Variants in AGXT2 observed in about 807,000 individuals in gnomAD.
AGXT2 encodes the protein alanine--glyoxylate aminotransferase 2, mitochondrial.
In AGXT2, 61 loss-of-function variants were observed where a neutral mutation model predicts 62.5. That is an observed-to-expected ratio of 0.98 (90% CI 0.79 to 1.21). AGXT2 has a LOEUF of 1.21. AGXT2 is among the 50% of genes most tolerant of loss of function. AGXT2 has a pLI of 0.00. For synonymous variants in AGXT2, 243 were observed against 218.7 expected (o/e 1.11, Z -0.98); for missense variants, 666 against 641.5 (o/e 1.04, Z -0.41).
chr5:35,044,588 T>C (rs1360866352), intron 1 of AGXT2, among the ~76,000 whole-genome samples: 1 of 152,236 alleles, frequency 6.6e-6, no homozygotes, highest in African/African-American at 2.4e-5. Flanking sequence ...CCTTGGCTTC[T>C]TTGCGTGTGG....
At position 35,011,458 on chromosome 5, in the gene AGXT2, T is replaced by TAA. The variant is rs11358241; in HGVS notation, c.1189-1311_1189-1310dup. ...CTGGGTGACAGAGCAAGACTCTTTC[T>TAA]AAAAAAAAAAAAAAAAAAAAAATTG... On this transcript the variant is annotated intron_variant, in intron 11 of 13. Coordinates refer to ENST00000231420, the MANE Select transcript of AGXT2 (RefSeq NM_031900.4). Among the ~76,000 whole-genome samples, 295 of 119,762 alleles carry TAA rather than the reference T, an allele frequency of 2.5e-3. 1 individual carries two copies. The highest frequency in any genetic ancestry group is 8.6e-3 in the Middle Eastern group (2 of 232). The allele number at this position is 119,762 out of a possible 152,430, so 78.6% of individuals were successfully genotyped here.
chr5:35,032,777 G>T lies in AGXT2; in HGVS notation c.724C>A (p.Arg242=). 4 of 1,609,772 alleles carry T rather than the reference G, an allele frequency of 2.5e-6. No individual in the cohort carries two copies. Among genetic ancestry groups the T allele is most frequent in the South Asian group, 1.1e-5 (1 of 89,900 alleles). ...CTGATTGTTTGCACTGGAGAATCTC[G>T]ACAGTGGCTTCCTCCCCAAGGGCCA... The part of the protein sequence containing the change: ...FRGPWGGSHC[R]DSPVQTIRKC... The change falls in exon 7 of 14, where the codon CGA becomes AGA. Residue 242 remains arginine (R), a synonymous_variant. Coordinates refer to ENST00000231420, the MANE Select transcript of AGXT2 (RefSeq NM_031900.4).
intron 9 of AGXT2, among the ~76,000 whole-genome samples, chr5:35,022,376 T>C (rs1343780634): frequency 6.6e-6 from 1 of 151,848 alleles, no homozygotes; most frequent in Admixed American, 6.6e-5. Flanking sequence ...ATATACACCA[T>C]GGAATACTAT....
At chr5:35,042,527 A>G (rs1339740660) in intron 1 of AGXT2, among the ~76,000 whole-genome samples, 2 of 152,166 alleles carry the variant, frequency 1.3e-5, no homozygotes, top group African/African-American at 4.8e-5. Flanking sequence ...AATAATAGTA[A>G]TAATGTTGAT....
chr5:35,045,302 G>T (rs909469862), intron 1 of AGXT2, among the ~76,000 whole-genome samples: 5 of 152,000 alleles, frequency 3.3e-5, no homozygotes, highest in African/African-American at 7.2e-5. Flanking sequence ...CACTTAAAAC[G>T]TGGTGACCTC....
chr5:35,046,239 G>A (rs1768202775), intron 1 of AGXT2, among the ~76,000 whole-genome samples: 1 of 152,190 alleles, frequency 6.6e-6, no homozygotes, highest in African/African-American at 2.4e-5. Flanking sequence ...GGTAGGGAAG[G>A]GGAGGGGGCA....
At chr5:35,027,261 G>C (rs1767392868) in intron 7 of AGXT2, among the ~76,000 whole-genome samples, 1 of 152,166 alleles carries the variant, frequency 6.6e-6, no homozygotes. Context: ...TGGCTGGAGT[G>C]AGACATTGAG....
At chr5:35,031,540 G>A (rs1002351355) in intron 7 of AGXT2, among the ~76,000 whole-genome samples, 13 of 152,138 alleles carry the variant, frequency 8.5e-5, no homozygotes, top group Non-Finnish European at 8.8e-5. Flanking sequence ...ACTAAGGAGC[G>A]GCTATTAAAA....
At chr5:35,046,165 C>T (rs1768198525) in intron 1 of AGXT2, among the ~76,000 whole-genome samples, 1 of 152,134 alleles carries the variant, frequency 6.6e-6, no homozygotes, top group Non-Finnish European at 1.5e-5. Context: ...GGTACTAGGC[C>T]TCACCTGCCC....
At chr5:35,002,740 A>G (rs1164614366) in intron 13 of AGXT2, among the ~76,000 whole-genome samples, 3 of 151,594 alleles carry the variant, frequency 2.0e-5, no homozygotes, top group Non-Finnish European at 4.4e-5. Flanking sequence ...TATGATGTAT[A>G]AGCCACCCAG....
intron 11 of AGXT2, among the ~76,000 whole-genome samples, chr5:35,011,525 T>C (rs1766638997): frequency 1.3e-5 from 2 of 151,084 alleles, no homozygotes; most frequent in Non-Finnish European, 3.0e-5. Flanking sequence ...TTCCTACCCA[T>C]ACTTTCTCAT....
intron 9 of AGXT2, 110 bp from the exon 10 acceptor site, chr5:35,014,229 G>T (rs1580579847): frequency 6.3e-6 from 9 of 1,430,700 alleles, no homozygotes; most frequent in Admixed American, 1.8e-5. Context: ...TGAAGCAGGT[G>T]GATCATGAGG....
At chr5:35,046,179 C>T (rs1474596321) in intron 1 of AGXT2, among the ~76,000 whole-genome samples, 2 of 152,140 alleles carry the variant, frequency 1.3e-5, no homozygotes, top group East Asian at 3.9e-4. Context: ...CCTGCCCTCT[C>T]TAGGTTACCT....
At position 35,019,014 on chromosome 5, in the gene AGXT2, C is replaced by G. The variant is rs163901; in HGVS notation, c.964-4895G>C. On this transcript the variant is annotated intron_variant, in intron 9 of 13. Transcript: ENST00000231420. ...AATGGTAAAGGGATCAATTCAACAACAAGAGCTAACTATCCTAAATATATA... is the reference window on the plus strand; with the variant it reads ...AATGGTAAAGGGATCAATTCAACAAGAAGAGCTAACTATCCTAAATATATA... Among the ~76,000 whole-genome samples, 433 of 104,104 alleles carry G rather than the reference C, an allele frequency of 4.2e-3. 1 individual carries two copies. Among genetic ancestry groups the G allele is most frequent in the African/African-American group, 0.015 (252 of 16,548 alleles). 68.3% of individuals were successfully genotyped at this position (104,104 alleles called of 152,430 possible). A position where few individuals can be genotyped will look rare whatever the true frequency, so the allele number is the denominator to read the frequency against.
intron 6 of AGXT2, 169 bp downstream of exon 6, chr5:35,033,291 C>A (rs1438518594): frequency 1.7e-5 from 11 of 644,868 alleles, no homozygotes; most frequent in Non-Finnish European, 2.8e-5. Context: ...CTCGGAAGGC[C>A]TTTCTAATGG....
At chr5:35,031,863 A>G (rs1767566166) in intron 7 of AGXT2, among the ~76,000 whole-genome samples, 1 of 146,910 alleles carries the variant, frequency 6.8e-6, no homozygotes. Context: ...ATGGGTTAAT[A>G]ATCCCACCCA....
chr5:35,027,279 G>C (rs985129035), intron 7 of AGXT2, among the ~76,000 whole-genome samples: 2 of 152,126 alleles, frequency 1.3e-5, no homozygotes, highest in Non-Finnish European at 2.9e-5. Context: ...GAGCAATTTT[G>C]CTTGAAGGCC....
chr5:35,002,459 A>G (rs1482759604), intron 13 of AGXT2, among the ~76,000 whole-genome samples: 1 of 152,204 alleles, frequency 6.6e-6, no homozygotes, highest in Non-Finnish European at 1.5e-5. Flanking sequence ...AGGAAGTGCT[A>G]TGATCTGGAC....
At chr5:35,017,192 T>G (rs926643133) in intron 9 of AGXT2, among the ~76,000 whole-genome samples, 3 of 152,130 alleles carry the variant, frequency 2.0e-5, no homozygotes, top group Non-Finnish European at 2.9e-5. Context: ...CGCTCTGTCA[T>G]TTTGGAGGGG....
Sources: allele counts gnomAD v4.1 joint callset (sites outside exome capture counted in the v4.1 genomes callset), GRCh38; gene constraint gnomAD v4.1.1; transcripts MANE v1.5; gene names NCBI Gene and HGNC (gene_info 2026-07-23, HGNC 2026-07-21).